SIGLEC12: variants seen among roughly 807,000 people sequenced by gnomAD.
SIGLEC12 encodes the protein sialic acid binding Ig like lectin 12, also known as sialic acid-binding Ig-like lectin 12.
A neutral mutation model predicts 54.1 loss-of-function variants in SIGLEC12; 43 were observed. The ratio of observed to expected loss-of-function variants is 0.80; its 90% CI spans 0.62 to 1.03. The LOEUF (loss-of-function observed/expected upper bound fraction) is 1.03. Among genes scored for constraint, SIGLEC12 ranks in the 50% least tolerant of loss-of-function variants. SIGLEC12 has a pLI of 0.00. For missense variants in SIGLEC12, 802 were observed against 735.2 expected (o/e 1.09, Z -1.05); for synonymous variants, 357 against 307.6 (o/e 1.16, Z -1.68).
intron 7 of SIGLEC12, among the ~76,000 whole-genome samples, chr19:51,493,193 TCACAGC>T (rs60854210): frequency 0.37 from 55,540 of 151,830 alleles, 10,334 homozygotes; most frequent in Middle Eastern, 0.53. Flanking sequence ...TTCTTGGACT[TCACAGC>T]AGCAGAGGAC....
intron 7 of SIGLEC12, among the ~76,000 whole-genome samples, chr19:51,492,859 A>G (rs1221469543): frequency 1.3e-5 from 2 of 152,188 alleles, no homozygotes; most frequent in African/African-American, 2.4e-5. Flanking sequence ...TGTGACCTTC[A>G]GAACTTTAAG....
Position 51,496,555 on chromosome 19 carries a change from G to A in SIGLEC12, c.1599+325C>T, listed in dbSNP as rs115389282. ...CAGATTAGTGACAGTGCTCTGCTGA[G>A]CCAAATGGAACTTGAAGCAAAAGCT... is the stretch of plus-strand genomic sequence containing the variant. On this transcript the variant is annotated intron_variant, in intron 7 of 7. Transcript: ENST00000291707. Among the ~76,000 whole-genome samples the A allele has an allele frequency of 6.6e-3, 1,005 of 152,312 alleles. 11 individuals carry two copies. The highest frequency in any genetic ancestry group is 0.022 in the African/African-American group (903 of 41,572).
Position 51,500,008 on chromosome 19 carries a change from C to T in SIGLEC12, c.720G>A (p.Lys240=). 6.2e-7 allele frequency: 1 copy of T among 1,614,214 alleles called. No individual in the cohort carries two copies. ...NCSLSIRDAR[K]GDSGKYYFQV... The stretch of plus-strand genomic sequence containing the variant: ...GGAAGTAGTACTTCCCTGAATCCCC[C>T]TTCCTGGCATCTCTGATGCTCAGGG... The change falls in exon 2 of 8, where the codon AAG becomes AAA. Residue 240 remains lysine, a synonymous_variant. Transcript: ENST00000291707.
At chr19:51,496,372 G>A (rs1990239897) in intron 7 of SIGLEC12, among the ~76,000 whole-genome samples, 1 of 152,082 alleles carries the variant, frequency 6.6e-6, no homozygotes, top group Non-Finnish European at 1.5e-5. Flanking sequence ...AGAGACTGAG[G>A]CAGAATTACT....
Position 51,497,200 on chromosome 19 carries a change from T to C in SIGLEC12, c.1502+149A>G, listed in dbSNP as rs186965568. The C allele has an allele frequency of 7.3e-4, 640 of 878,712 alleles. 7 individuals carry two copies. The Admixed American group carries it at 0.015, about 20-fold the overall frequency. The allele number at this position is 878,712 out of a possible 1,614,324, so 54.4% of individuals were successfully genotyped here. A position where few individuals can be genotyped will look rare whatever the true frequency, so the allele number is the denominator to read the frequency against. On this transcript the variant is annotated intron_variant, in intron 6 of 7. Transcript: ENST00000291707. ...CATGGAGCTCCACAAACAGGGGCGCTCATGAAATTCTTACCATGCACCCAT... is the reference window on the plus strand; with the variant it reads ...CATGGAGCTCCACAAACAGGGGCGCCCATGAAATTCTTACCATGCACCCAT...
rs769986792 is a variant in SIGLEC12 at position 51,491,764 on chromosome 19, G to C, written c.1665C>G (p.Thr555=). The C allele has an allele frequency of 6.2e-7, 1 of 1,611,740 alleles. No individual in the cohort carries two copies. The highest frequency in any genetic ancestry group is 1.1e-5 in the South Asian group (1 of 90,870). The change falls in exon 8 of 8, where the codon ACC becomes ACG. Residue 555 remains threonine (T), a synonymous_variant. Transcript: ENST00000291707. The part of the protein sequence containing the change: ...PPHHAPPALA[T]PSPEEGEIQY... ...GGATCTCTCCTTCCTCTGGGGAGGG[G>C]GTGGCCAGGGCTGGCGGAGCATGGT...
chr19:51,501,581 A>T lies in SIGLEC12; in HGVS notation c.153T>A (p.Asn51Lys), dbSNP rs562282804. ...GAACTGGATCGGAGGCAGTCCAGCC[A>T]TTTTGGGGGTAGGAGAAGGAGCAAA... ...SVLCSFSYPQNGWTASDPVHG... is the reference protein window; with the variant it reads ...SVLCSFSYPQKGWTASDPVHG... Residue 51 changes from asparagine to lysine, a missense_variant, in exon 1 of 8, where the codon AAT becomes AAA. Coordinates refer to ENST00000291707, the MANE Select transcript of SIGLEC12 (RefSeq NM_053003.4). 12 of 1,613,838 alleles carry T rather than the reference A, an allele frequency of 7.4e-6. No individual in the cohort carries two copies. The highest frequency in any genetic ancestry group is 1.6e-4 in the Middle Eastern group (1 of 6,062).
At chr19:51,499,263 A>T in intron 3 of SIGLEC12, 46 bp from the exon 4 acceptor site, 1 of 1,605,844 alleles carries the variant, frequency 6.2e-7, no homozygotes, top group Non-Finnish European at 8.5e-7. Flanking sequence ...AGGACTGGGG[A>T]CACTGACCCT....
intron 6 of SIGLEC12, 112 bp from the exon 7 acceptor site, chr19:51,497,088 G>A (rs1990261777): frequency 6.5e-7 from 1 of 1,539,318 alleles, no homozygotes; most frequent in Non-Finnish European, 8.9e-7. Context: ...ACTGAGGCGG[G>A]AGGGGAGTGG....
rs1257532150 is a variant in SIGLEC12 at position 51,496,989 on chromosome 19, A to G, written c.1503-13T>C. ...GCAGGACCTCACTCTGAGTGAAGAG[A>G]CCAGAGAGCCTTTCAGTGTGGTCAG... is the stretch of plus-strand genomic sequence containing the variant. On this transcript the variant is annotated splice_polypyrimidine_tract_variant and intron_variant, in intron 6 of 7. Coordinates refer to ENST00000291707, the MANE Select transcript of SIGLEC12 (RefSeq NM_053003.4). The G allele has an allele frequency of 6.2e-7, 1 of 1,612,656 alleles. No homozygotes were observed. The highest frequency in any genetic ancestry group is 1.1e-5 in the South Asian group (1 of 91,008).
chr19:51,496,635 G>A (rs923092607), intron 7 of SIGLEC12, among the ~76,000 whole-genome samples: 1 of 152,156 alleles, frequency 6.6e-6, no homozygotes, highest in African/African-American at 2.4e-5. Context: ...CCTCCAGGCC[G>A]GGAAGGGGAG....
chr19:51,491,826 G>T lies in SIGLEC12; in HGVS notation c.1603C>A (p.Pro535Thr). 6.4e-7 allele frequency: 1 copy of T among 1,555,612 alleles called. No homozygotes were observed. Among genetic ancestry groups the T allele is most frequent in the South Asian group, 1.2e-5 (1 of 82,070 alleles). The change falls in exon 8 of 8, where the codon CCC (proline) becomes ACC (threonine). Residue 535 changes from proline to threonine, a missense_variant. Physicochemically the swap from Pro to Thr is conservative, Grantham distance 38. Transcript: ENST00000291707. Reference sequence around the variant, plus strand: ...TCATCTGCCGGGGATTCAATCAGGGGTCCCTGAATGGAGGAAGAGAAGGGA... The same window carrying T: ...TCATCTGCCGGGGATTCAATCAGGGTTCCCTGAATGGAGGAAGAGAAGGGA... ...NAVRGSASQGPLIESPADDSP... is the reference protein window; with the variant it reads ...NAVRGSASQGTLIESPADDSP...
chr19:51,497,888 C>A (rs1462579761), intron 5 of SIGLEC12, 130 bp downstream of exon 5: 3 of 1,315,474 alleles, frequency 2.3e-6, no homozygotes, highest in South Asian at 3.0e-5. Flanking sequence ...CCCCTCTCCC[C>A]ACCCCGCACT....
At chr19:51,497,257 G>T in intron 6 of SIGLEC12, 92 bp downstream of exon 6, 5 of 1,192,572 alleles carry the variant, frequency 4.2e-6, no homozygotes, top group South Asian at 4.0e-5. Flanking sequence ...TCAAGCTCTT[G>T]ACCCATCCAG....
At chr19:51,496,261 G>T (rs1296740033) in intron 7 of SIGLEC12, among the ~76,000 whole-genome samples, 1 of 152,206 alleles carries the variant, frequency 6.6e-6, no homozygotes, top group East Asian at 1.9e-4. Flanking sequence ...CTGAGGTTGG[G>T]AGTTTGAGAC....
chr19:51,496,645 G>A (rs1394847433), intron 7 of SIGLEC12, among the ~76,000 whole-genome samples: 2 of 152,154 alleles, frequency 1.3e-5, no homozygotes, highest in Non-Finnish European at 2.9e-5. Flanking sequence ...GGGAAGGGGA[G>A]GCAAGAGGCA....
At position 51,498,023 on chromosome 19, in the gene SIGLEC12, T is replaced by C; in HGVS notation, c.1400A>G (p.Tyr467Cys). Residue 467 changes from tyrosine (Y) to cysteine (C), a missense_variant, in exon 5 of 8, where the codon TAC becomes TGC. Transcript: ENST00000291707. Reference sequence around the variant, plus strand: ...CCAGACCCTCCCCTACCCACCTGTGTACTCGTTTTGCAGGGAGAGGCTCAG... The same window carrying C: ...CCAGACCCTCCCCTACCCACCTGTGCACTCGTTTTGCAGGGAGAGGCTCAG... The part of the protein sequence containing the change: ...ISLSLSLQNE[Y>C]TGKMRPISGV... 2 of 1,614,214 alleles carry C rather than the reference T, an allele frequency of 1.2e-6. No individual in the cohort carries two copies. The highest frequency in any genetic ancestry group is 1.7e-6 in the Non-Finnish European group (2 of 1,180,018).
intron 3 of SIGLEC12, 24 bp downstream of exon 3, chr19:51,499,414 C>T: frequency 6.4e-7 from 1 of 1,550,934 alleles, no homozygotes; most frequent in Non-Finnish European, 8.7e-7. Context: ...ATCAAAGACC[C>T]AGACGTCCTG....
rs112014797 is a variant in SIGLEC12, at chr19:51,500,254, C to A, written c.474G>T (p.Ser158=). Residue 158 remains serine (S), a synonymous_variant, in exon 2 of 8, where the codon TCG becomes TCT. Transcript: ENST00000291707. The part of the protein sequence containing the change: ...LSRYRLEVPE[S]VTVQEGLCVS... ...CACACAGACCCTCCTGCACAGTCAC[C>A]GACTCTGGCACCTCCAGCCTGTATC... 2 of 1,614,138 alleles carry A rather than the reference C, an allele frequency of 1.2e-6. No homozygotes were observed. The highest frequency in any genetic ancestry group is 1.6e-4 in the Middle Eastern group (1 of 6,062).
Sources: allele counts gnomAD v4.1 joint callset (sites outside exome capture counted in the v4.1 genomes callset), GRCh38; gene constraint gnomAD v4.1.1; transcripts MANE v1.5; gene names NCBI Gene and HGNC (gene_info 2026-07-23, HGNC 2026-07-21).